The following PRKN variants were observed in gnomAD, a reference collection of about 807,000 sequenced individuals.
PRKN encodes E3 ubiquitin-protein ligase parkin.
A neutral mutation model predicts 59.5 loss-of-function variants in PRKN; 56 were observed. The ratio of observed to expected loss-of-function variants is 0.94; its 90% CI spans 0.76 to 1.18. The LOEUF is 1.18. Among genes scored for constraint, PRKN ranks in the 50% most tolerant of loss-of-function variants. The pLI is 0.00. For synonymous variants in PRKN, 250 were observed against 222.1 expected (o/e 1.13, Z -1.12); for missense variants, 657 against 596.4 (o/e 1.10, Z -1.06).
At chr6:161,996,226 G>A (rs1781835770) in intron 5 of PRKN, among the ~76,000 whole-genome samples, 1 of 152,034 alleles carries the variant, frequency 6.6e-6, no homozygotes, top group African/African-American at 2.4e-5. Flanking sequence ...CACAAAAAGG[G>A]TGAAATCCTA....
At chr6:161,953,978 C>A (rs1430566250) in intron 6 of PRKN, among the ~76,000 whole-genome samples, 2 of 152,100 alleles carry the variant, frequency 1.3e-5, no homozygotes, top group Non-Finnish European at 2.9e-5. Flanking sequence ...AGCCTCTTCC[C>A]ACATAAGTCT....
intron 4 of PRKN, among the ~76,000 whole-genome samples, chr6:162,166,910 C>T (rs542901239): frequency 6.6e-6 from 1 of 152,256 alleles, no homozygotes; most frequent in East Asian, 1.9e-4. Flanking sequence ...TCTTTGTCAG[C>T]TTTGCTTTAT....
At chr6:162,501,611 C>T (rs1481930608) in intron 1 of PRKN, among the ~76,000 whole-genome samples, 2 of 151,894 alleles carry the variant, frequency 1.3e-5, no homozygotes, top group African/African-American at 2.4e-5. Context: ...CCTCCTTGGC[C>T]TCCCAAAGTG....
intron 1 of PRKN, among the ~76,000 whole-genome samples, chr6:162,458,824 G>C (rs1466367212): frequency 6.6e-6 from 1 of 151,934 alleles, no homozygotes; most frequent in Non-Finnish European, 1.5e-5. Context: ...AAATGTTTTT[G>C]TTTTGTTTTT....
intron 1 of PRKN, among the ~76,000 whole-genome samples, chr6:162,471,014 G>A (rs562924850): frequency 6.6e-6 from 1 of 151,666 alleles, no homozygotes; most frequent in African/African-American, 2.4e-5. Flanking sequence ...GCCAGCCTCG[G>A]CTACCCAAAG....
At chr6:161,968,980 A>G (rs1188448835) in intron 6 of PRKN, among the ~76,000 whole-genome samples, 2 of 152,224 alleles carry the variant, frequency 1.3e-5, no homozygotes, top group Non-Finnish European at 2.9e-5. Context: ...CAAATAAGCC[A>G]GTGAGAAATT....
chr6:162,045,392 A>G (rs1784213537), intron 5 of PRKN, among the ~76,000 whole-genome samples: 1 of 152,224 alleles, frequency 6.6e-6, no homozygotes, highest in African/African-American at 2.4e-5. Context: ...ATTAAGGGGA[A>G]TGATGACTGC....
intron 5 of PRKN, among the ~76,000 whole-genome samples, chr6:162,011,577 C>G (rs967039375): frequency 7.5e-6 from 1 of 133,178 alleles, no homozygotes; most frequent in South Asian, 2.2e-4. Flanking sequence ...TTTTTATTTT[C>G]TATTTTACTT....
At position 161,868,691 on chromosome 6, in the gene PRKN, A is replaced by G. The variant is rs567627691; in HGVS notation, c.735-82783T>C. On this transcript the variant is annotated intron_variant, in intron 6 of 11. Transcript: ENST00000366898. ...ATCTTTAGGCCTCTTAATGATTTGTAGCATATCATCACTAAGCAGACATTT... is the reference window on the plus strand; with the variant it reads ...ATCTTTAGGCCTCTTAATGATTTGTGGCATATCATCACTAAGCAGACATTT... 2.6e-5 allele frequency among the ~76,000 whole-genome samples: 4 copies of G among 152,344 alleles called. No homozygotes were observed. In the South Asian group the frequency reaches 8.3e-4, roughly 32 times the overall value.
chr6:162,116,727 A>C (rs1583056490), intron 4 of PRKN, among the ~76,000 whole-genome samples: 2 of 152,344 alleles, frequency 1.3e-5, no homozygotes, highest in East Asian at 3.9e-4. Context: ...AATATAGAAC[A>C]GCAATACACT....
chr6:161,777,730 T>G (rs1390848340), intron 7 of PRKN, among the ~76,000 whole-genome samples: 1 of 142,280 alleles, frequency 7.0e-6, no homozygotes, highest in Non-Finnish European at 1.5e-5. Flanking sequence ...TACATATATA[T>G]CTATATATGT....
At chr6:162,586,237 A>C (rs2128212911) in intron 1 of PRKN, among the ~76,000 whole-genome samples, 1 of 152,296 alleles carries the variant, frequency 6.6e-6, no homozygotes, top group South Asian at 2.1e-4. Flanking sequence ...TGTCATAATA[A>C]TGCAACGTAC....
intron 2 of PRKN, among the ~76,000 whole-genome samples, chr6:162,287,562 T>C (rs982387325): frequency 1.3e-5 from 2 of 152,028 alleles, no homozygotes; most frequent in Admixed American, 1.3e-4. Flanking sequence ...AGAGAGACCT[T>C]GCTCCTTGCA....
In PRKN at chr6:161,904,297, C is replaced by T. The variant is rs1778048250; in HGVS notation, c.734+69005G>A. Among the ~76,000 whole-genome samples, 3 of 142,596 alleles carry T rather than the reference C, an allele frequency of 2.1e-5. 1 individual carries two copies. The highest frequency in any genetic ancestry group is 4.6e-5 in the Non-Finnish European group (3 of 65,536). 93.5% of individuals were successfully genotyped at this position (142,596 alleles called of 152,430 possible). A position where few individuals can be genotyped will look rare whatever the true frequency, so the allele number is the denominator to read the frequency against. On this transcript the variant is annotated intron_variant, in intron 6 of 11. Coordinates refer to ENST00000366898, the MANE Select transcript of PRKN (RefSeq NM_004562.3). Reference sequence around the variant, plus strand: ...GGGGCAAGGTGTGTTGGCTTGTTTTCGAATTTGTGGGGTTTTTTTTTTTTT... The same window carrying T: ...GGGGCAAGGTGTGTTGGCTTGTTTTTGAATTTGTGGGGTTTTTTTTTTTTT...
At chr6:162,196,731 TTAAC>T (rs778703663) in intron 4 of PRKN, among the ~76,000 whole-genome samples, 1 of 152,154 alleles carries the variant, frequency 6.6e-6, no homozygotes, top group Non-Finnish European at 1.5e-5. Flanking sequence ...CAGGACAAAA[TTAAC>T]TATCCATTTC....
At chr6:161,616,586 A>G (rs1349231742) in intron 7 of PRKN, among the ~76,000 whole-genome samples, 3 of 151,096 alleles carry the variant, frequency 2.0e-5, no homozygotes, top group Admixed American at 2.0e-4. Flanking sequence ...AACGGGCCCC[A>G]GTGTGTGATG....
chr6:162,430,568 T>C (rs1371234361), intron 2 of PRKN, among the ~76,000 whole-genome samples: 3 of 147,134 alleles, frequency 2.0e-5, no homozygotes, highest in Non-Finnish European at 4.5e-5. Flanking sequence ...AAATACAGAA[T>C]GGGGAAACTG....
intron 7 of PRKN, among the ~76,000 whole-genome samples, chr6:161,714,753 T>A (rs1470803947): frequency 6.6e-6 from 1 of 152,220 alleles, no homozygotes; most frequent in Non-Finnish European, 1.5e-5. Context: ...CAGAGATTAG[T>A]GAATGCATTA....
At chr6:162,239,143 T>C (rs1301780525) in intron 3 of PRKN, among the ~76,000 whole-genome samples, 4 of 152,164 alleles carry the variant, frequency 2.6e-5, no homozygotes, top group Non-Finnish European at 5.9e-5. Context: ...GTAAGTACAC[T>C]ATGGATTTGA....
Sources: allele counts gnomAD v4.1 joint callset (sites outside exome capture counted in the v4.1 genomes callset), GRCh38; gene constraint gnomAD v4.1.1; transcripts MANE v1.5; gene names NCBI Gene and HGNC (gene_info 2026-07-23, HGNC 2026-07-21).